Variants in SORCS1 observed in about 807,000 individuals in gnomAD.
SORCS1 encodes the protein sortilin related VPS10 domain containing receptor 1, also known as VPS10 domain-containing receptor SorCS1.
Under a neutral mutation model 146.1 loss-of-function variants are expected in SORCS1, and 60 were observed. That is an observed-to-expected ratio of 0.41 (90% confidence interval 0.33 to 0.51). The LOEUF is 0.51. Ranked by LOEUF, SORCS1 falls within the 20% of genes least tolerant of loss-of-function variation. SORCS1 has a pLI of 0.21. For missense variants in SORCS1, 1,352 were observed against 1,487.6 expected, an observed-to-expected ratio of 0.91 and a Z score of 1.50; for synonymous variants, 637 against 584.0, an observed-to-expected ratio of 1.09 and a Z score of -1.31.
chr10:106,693,458 T>C (rs1039483174), intron 9 of SORCS1, among the ~76,000 whole-genome samples: 3 of 152,200 alleles, frequency 2.0e-5, no homozygotes, highest in African/African-American at 7.2e-5. Flanking sequence ...GAGAGAAATA[T>C]CGTATCAGAA....
intron 5 of SORCS1, 132 bp downstream of exon 5, chr10:106,761,456 G>T: frequency 1.4e-6 from 1 of 710,768 alleles, no homozygotes; most frequent in Non-Finnish European, 2.5e-6. Flanking sequence ...GCCCTGAGGG[G>T]ATGTGGGCAT....
chr10:106,585,428 AC>A (rs1845171922), intron 24 of SORCS1, among the ~76,000 whole-genome samples: 2 of 151,806 alleles, frequency 1.3e-5, no homozygotes, highest in Non-Finnish European at 2.9e-5. Flanking sequence ...AAGCAAAAAT[AC>A]CCCCCTACAC....
chr10:106,967,550 C>T (rs976394399), intron 1 of SORCS1, among the ~76,000 whole-genome samples: 1 of 152,054 alleles, frequency 6.6e-6, no homozygotes, highest in African/African-American at 2.4e-5. Context: ...CCTACAGACC[C>T]AAAGCCAAGG....
chr10:106,607,429 A>G, intron 22 of SORCS1, 132 bp from the exon 23 acceptor site: 1 of 1,217,572 alleles, frequency 8.2e-7, no homozygotes, highest in Non-Finnish European at 1.1e-6. Context: ...GCCTGGGCAT[A>G]TCAGGCAGGG....
At chr10:106,887,216 TAAAAC>T (rs1173962711) in intron 2 of SORCS1, among the ~76,000 whole-genome samples, 1 of 152,220 alleles carries the variant, frequency 6.6e-6, no homozygotes, top group Non-Finnish European at 1.5e-5. Flanking sequence ...AACAAATTGT[TAAAAC>T]TAAGCAACTG....
the SORCS1 span, among the ~76,000 whole-genome samples, chr10:107,180,772 G>A: frequency 6.4e-4 from 97 of 152,246 alleles, no homozygotes; most frequent in African/African-American, 2.1e-3. Flanking sequence ...AACACTTAAT[G>A]GTGGGGATAG....
chr10:106,792,147 C>T (rs1946348539), intron 3 of SORCS1, among the ~76,000 whole-genome samples: 1 of 152,216 alleles, frequency 6.6e-6, no homozygotes, highest in Admixed American at 6.5e-5. Flanking sequence ...GCATTCTGCA[C>T]ATATTATACA....
chr10:107,136,113 T>G (rs1333624568), intron 1 of SORCS1, among the ~76,000 whole-genome samples: 2 of 150,992 alleles, frequency 1.3e-5, no homozygotes, highest in Non-Finnish European at 2.9e-5. Context: ...AGAGTGCAGT[T>G]GTAGAAAAAA....
chr10:106,874,234 G>A (rs1055140842), intron 2 of SORCS1, among the ~76,000 whole-genome samples: 5 of 152,028 alleles, frequency 3.3e-5, no homozygotes, highest in Admixed American at 6.6e-5. Context: ...GGATGATTTC[G>A]GTTTTTTATC....
intron 2 of SORCS1, among the ~76,000 whole-genome samples, chr10:106,838,124 C>G (rs1948859457): frequency 6.6e-6 from 1 of 152,152 alleles, no homozygotes; most frequent in African/African-American, 2.4e-5. Context: ...CAGTGGACTT[C>G]CATGAAATAA....
At chr10:106,653,097 G>A (rs1449833161) in intron 17 of SORCS1, among the ~76,000 whole-genome samples, 1 of 152,162 alleles carries the variant, frequency 6.6e-6, no homozygotes, top group Non-Finnish European at 1.5e-5. Context: ...TTTCATGAGA[G>A]GTTATACTGG....
chr10:106,760,438 G>A (rs1490617348), intron 5 of SORCS1, among the ~76,000 whole-genome samples: 6 of 93,524 alleles, frequency 6.4e-5, no homozygotes, highest in African/African-American at 1.6e-4. Context: ...GTGAGACTCC[G>A]TCTCAAAAAA....
At chr10:106,873,568 C>G (rs1950492360) in intron 2 of SORCS1, among the ~76,000 whole-genome samples, 1 of 152,150 alleles carries the variant, frequency 6.6e-6, no homozygotes, top group Non-Finnish European at 1.5e-5. Flanking sequence ...CTTCCTAAAC[C>G]ATTTTGGCCC....
intron 24 of SORCS1, among the ~76,000 whole-genome samples, chr10:106,588,335 T>C (rs187676009): frequency 1.3e-5 from 2 of 152,336 alleles, no homozygotes; most frequent in Admixed American, 6.5e-5. Flanking sequence ...GATTTTAATA[T>C]TTATTACTAA....
chr10:107,171,940 T>C, the SORCS1 span, among the ~76,000 whole-genome samples: 6 of 152,188 alleles, frequency 3.9e-5, no homozygotes, highest in Non-Finnish European at 7.4e-5. Flanking sequence ...TAGGATCCAC[T>C]CAACTACCTG....
intron 23 of SORCS1, among the ~76,000 whole-genome samples, chr10:106,600,054 T>C (rs997145816): frequency 2.0e-4 from 31 of 152,278 alleles, no homozygotes; most frequent in African/African-American, 7.2e-4. Flanking sequence ...CCTCCCAAAG[T>C]GCTGGAATTA....
At chr10:107,039,332 G>GAAAAAAA (rs58915918) in intron 1 of SORCS1, among the ~76,000 whole-genome samples, 3 of 109,928 alleles carry the variant, frequency 2.7e-5, no homozygotes, top group East Asian at 2.5e-4. Context: ...CTCAAATAAA[G>GAAAAAAA]AAAAAAAAAA....
chr10:106,851,241 T>C (rs78747683), intron 2 of SORCS1, among the ~76,000 whole-genome samples: 2 of 152,354 alleles, frequency 1.3e-5, no homozygotes, highest in East Asian at 3.9e-4. Flanking sequence ...GATTGTGACT[T>C]TGGTCTTGTA....
At chr10:106,701,988 C>G (rs1433685652) in intron 8 of SORCS1, among the ~76,000 whole-genome samples, 3 of 152,226 alleles carry the variant, frequency 2.0e-5, no homozygotes. Context: ...TGTGACCTTT[C>G]TGTTTATCGC....
Sources: gnomAD v4.1 joint callset for allele counts (sites outside exome capture counted in the v4.1 genomes callset) on GRCh38, gnomAD v4.1.1 for gene constraint, MANE v1.5 for transcripts, NCBI Gene and HGNC (gene_info 2026-07-23, HGNC 2026-07-21) for gene names.